Variants in MCHR2 observed in about 807,000 individuals in gnomAD.
The protein encoded by MCHR2 is melanin concentrating hormone receptor 2.
MCHR2 carries 15 observed loss-of-function variants against 24.8 expected under a neutral mutation model. The observed-to-expected ratio is 0.60, with a 90% CI of 0.40 to 0.93. The LOEUF (loss-of-function observed/expected upper bound fraction) is 0.93. Among genes scored for constraint, MCHR2 ranks in the 40% least tolerant of loss-of-function variants. MCHR2 has a pLI of 0.00. For synonymous variants in MCHR2, 151 were observed against 147.6 expected, an observed-to-expected ratio of 1.02 and a Z score of -0.17; for missense variants, 386 against 408.7, an observed-to-expected ratio of 0.94 and a Z score of 0.48.
chr6:99,982,275 C>T (rs1013481450), intron 1 of MCHR2, among the ~76,000 whole-genome samples: 1 of 151,784 alleles, frequency 6.6e-6, no homozygotes, highest in Non-Finnish European at 1.5e-5. Flanking sequence ...TCACATCAAC[C>T]CACCTTCCCC....
intron 1 of MCHR2, among the ~76,000 whole-genome samples, chr6:99,972,128 A>G (rs552714483): frequency 6.6e-6 from 1 of 152,312 alleles, no homozygotes; most frequent in Admixed American, 6.5e-5. Context: ...ATAGTTTCAG[A>G]AGGAATGTTA....
chr6:99,989,535 T>G (rs1349226575), intron 1 of MCHR2, among the ~76,000 whole-genome samples: 1 of 152,170 alleles, frequency 6.6e-6, no homozygotes, highest in African/African-American at 2.4e-5. Flanking sequence ...TTGAACCCAG[T>G]TTTGTCAGGC....
chr6:99,989,588 C>T lies in MCHR2; in HGVS notation c.-28+4348G>A, dbSNP rs577210852. Reference sequence around the variant, plus strand: ...ACCTTTGACCTCTACCCTGAGAAGACGATGGGAACAATGGTCCCCCTGAAA... The same window carrying T: ...ACCTTTGACCTCTACCCTGAGAAGATGATGGGAACAATGGTCCCCCTGAAA... On this transcript the variant is annotated intron_variant, in intron 1 of 5. Transcript: ENST00000281806. Among the ~76,000 whole-genome samples, 18 of 152,206 alleles carry T rather than the reference C, an allele frequency of 1.2e-4. No individual in the cohort carries two copies. In the South Asian group the frequency reaches 3.1e-3, roughly 26 times the overall value.
At chr6:99,965,047 T>C (rs1307264025) in intron 1 of MCHR2, among the ~76,000 whole-genome samples, 1 of 152,118 alleles carries the variant, frequency 6.6e-6, no homozygotes, top group Non-Finnish European at 1.5e-5. Flanking sequence ...AGAGAGTAAG[T>C]TGTGACTCGT....
Position 99,923,598 on chromosome 6 carries a change from A to G in MCHR2, c.708-2343T>C, listed in dbSNP as rs1028269213. Among the ~76,000 whole-genome samples, 16 of 151,956 alleles carry G rather than the reference A, an allele frequency of 1.1e-4. 1 individual carries two copies. Among genetic ancestry groups the G allele is most frequent in the African/African-American group, 3.6e-4 (15 of 41,390 alleles). On this transcript the variant is annotated intron_variant, in intron 5 of 5. Coordinates refer to ENST00000281806, the MANE Select transcript of MCHR2 (RefSeq NM_001040179.2). ...CTAGTTTTTTTAAGGTTTTTATCAT[A>G]AAGAGATGTTGAATTTTATCAGATG...
chr6:99,920,839 A>C lies in MCHR2; in HGVS notation c.*101T>G, dbSNP rs202076291. 6.0e-6 allele frequency: 7 copies of C among 1,163,548 alleles called. No individual in the cohort carries two copies. The African/African-American group carries it at 1.1e-4, about 18-fold the overall frequency. The allele number at this position is 1,163,548 out of a possible 1,614,324, so 72.1% of individuals were successfully genotyped here. A position where few individuals can be genotyped will look rare whatever the true frequency, so the allele number is the denominator to read the frequency against. The stretch of plus-strand genomic sequence containing the variant: ...CCATGCTGCTAAGAGTCACAAGTAC[A>C]CAAGAAGAATGGGCATAAACATATC... On this transcript the variant is annotated 3_prime_UTR_variant, in exon 6 of 6. Coordinates refer to ENST00000281806, the MANE Select transcript of MCHR2 (RefSeq NM_001040179.2).
chr6:99,932,363 A>G (rs998359347), intron 5 of MCHR2, among the ~76,000 whole-genome samples: 7 of 152,312 alleles, frequency 4.6e-5, no homozygotes, highest in African/African-American at 1.7e-4. Flanking sequence ...ATTCTAAATA[A>G]TATAGGGATT....
intron 5 of MCHR2, among the ~76,000 whole-genome samples, chr6:99,928,570 G>GT (rs1198055024): frequency 6.6e-6 from 1 of 152,164 alleles, no homozygotes; most frequent in Non-Finnish European, 1.5e-5. Flanking sequence ...TCTTGGGAGG[G>GT]TGTATGTGTT....
chr6:99,921,348 G>C, intron 5 of MCHR2, 93 bp from the exon 6 acceptor site: 2 of 1,066,092 alleles, frequency 1.9e-6, no homozygotes, highest in Middle Eastern at 2.1e-4. Context: ...GTTCATAATG[G>C]CTTTGTAGTG....
chr6:99,926,944 T>C (rs1298618099), intron 5 of MCHR2, among the ~76,000 whole-genome samples: 1 of 152,228 alleles, frequency 6.6e-6, no homozygotes, highest in Non-Finnish European at 1.5e-5. Context: ...TGCCTAGGTT[T>C]TCTTCTAGGG....
At chr6:99,972,084 T>A (rs1403307730) in intron 1 of MCHR2, among the ~76,000 whole-genome samples, 1 of 152,240 alleles carries the variant, frequency 6.6e-6, no homozygotes, top group Non-Finnish European at 1.5e-5. Flanking sequence ...ATAAAATGAA[T>A]TAGGGAGGAT....
chr6:99,970,948 T>C (rs1187729110), intron 1 of MCHR2, among the ~76,000 whole-genome samples: 2 of 152,340 alleles, frequency 1.3e-5, no homozygotes, highest in East Asian at 3.9e-4. Flanking sequence ...AGTACCATGC[T>C]GTTTTGGTTA....
intron 4 of MCHR2, 117 bp downstream of exon 4, chr6:99,942,832 T>C (rs1774798104): frequency 6.8e-6 from 5 of 738,236 alleles, no homozygotes; most frequent in Non-Finnish European, 1.1e-5. Flanking sequence ...CTAATGGAGA[T>C]ACTGGCGAGA....
intron 1 of MCHR2, among the ~76,000 whole-genome samples, chr6:99,977,398 A>C (rs1196421376): frequency 6.6e-6 from 1 of 152,076 alleles, no homozygotes; most frequent in Non-Finnish European, 1.5e-5. Flanking sequence ...TTTTGAAGAA[A>C]ATTTACTCTG....
chr6:99,990,531 G>T (rs1017375539), intron 1 of MCHR2, among the ~76,000 whole-genome samples: 5 of 152,066 alleles, frequency 3.3e-5, no homozygotes, highest in Non-Finnish European at 7.4e-5. Context: ...AAAAATGTAT[G>T]TTAATTAAGT....
intron 4 of MCHR2, among the ~76,000 whole-genome samples, chr6:99,938,166 T>C (rs996425921): frequency 1.3e-5 from 2 of 151,956 alleles, no homozygotes; most frequent in Non-Finnish European, 2.9e-5. Context: ...ATTTTGTTGA[T>C]CGTCTGTAGT....
intron 1 of MCHR2, among the ~76,000 whole-genome samples, chr6:99,981,721 TTC>T (rs1018271964): frequency 5.9e-5 from 9 of 152,186 alleles, no homozygotes; most frequent in Admixed American, 5.9e-4. Context: ...TATCTGTGCT[TTC>T]TCTCATGTTC....
Position 99,923,995 on chromosome 6 carries a change from C to T in MCHR2, c.708-2740G>A, listed in dbSNP as rs1774297516. Among the ~76,000 whole-genome samples, 3 of 151,964 alleles carry T rather than the reference C, an allele frequency of 2.0e-5. No individual in the cohort carries two copies. In the South Asian group the frequency reaches 6.2e-4, roughly 31 times the overall value. On this transcript the variant is annotated intron_variant, in intron 5 of 5. Coordinates refer to ENST00000281806, the MANE Select transcript of MCHR2 (RefSeq NM_001040179.2). ...ATAATTTGATTAGAATTTGTATTAG[C>T]TTTTTAAATGTTTAGCAGGATTCAA...
rs1203788650 is a variant in MCHR2 at position 99,918,939 on chromosome 6, C to A, written c.*2001G>T. 6.6e-6 allele frequency among the ~76,000 whole-genome samples: 1 copy of A among 152,082 alleles called. No homozygotes were observed. The highest frequency in any genetic ancestry group is 2.4e-5 in the African/African-American group (1 of 41,398). ...AAAGGTCTGTGGTTTAAAGCTAAGT[C>A]TTTAAAATCATAATATTTTTCTGTA... On this transcript the variant is annotated 3_prime_UTR_variant, in exon 6 of 6. Coordinates refer to ENST00000281806, the MANE Select transcript of MCHR2 (RefSeq NM_001040179.2).
Sources: allele counts gnomAD v4.1 joint callset (sites outside exome capture counted in the v4.1 genomes callset), GRCh38; gene constraint gnomAD v4.1.1; transcripts MANE v1.5; gene names NCBI Gene and HGNC (gene_info 2026-07-23, HGNC 2026-07-21).